The following ATRNL1 variants were observed in gnomAD, a reference collection of about 807,000 sequenced individuals.
ATRNL1 encodes attractin-like protein 1.
ATRNL1 carries 95 observed loss-of-function variants against 182.7 expected under a neutral mutation model. The ratio of observed to expected loss-of-function variants is 0.52; its 90% CI spans 0.44 to 0.62. ATRNL1 has a LOEUF of 0.62. Among genes scored for constraint, ATRNL1 ranks in the 20% least tolerant of loss-of-function variants. ATRNL1 has a pLI of 0.00. For synonymous variants in ATRNL1, 576 were observed against 568.3 expected (o/e 1.01, Z -0.19); for missense variants, 1,471 against 1,679.5 (o/e 0.88, Z 2.17).
Position 115,854,610 on chromosome 10 carries a change from G to A in ATRNL1, c.4018+6619G>A, listed in dbSNP as rs76697440. Reference sequence around the variant, plus strand: ...AGCATCTCAACCTGGATTTCCTCCCGTTCAGATGTAAAGTGAGCCGTCCTT... The same window carrying A: ...AGCATCTCAACCTGGATTTCCTCCCATTCAGATGTAAAGTGAGCCGTCCTT... On this transcript the variant is annotated intron_variant, in intron 28 of 28. Coordinates refer to ENST00000355044, the MANE Select transcript of ATRNL1 (RefSeq NM_207303.4). Among the ~76,000 whole-genome samples the A allele has an allele frequency of 2.9e-3, 434 of 152,214 alleles. 1 individual carries two copies. Among genetic ancestry groups the A allele is most frequent in the African/African-American group, 0.01 (422 of 41,526 alleles).
chr10:115,094,148 C>T (rs959562262), intron 1 of ATRNL1, 105 bp downstream of exon 1: 66 of 1,152,190 alleles, frequency 5.7e-5, no homozygotes, highest in Admixed American at 8.3e-5. Context: ...TGCCTCTGAT[C>T]CCCCGGCCGT....
At position 115,751,124 on chromosome 10, in the gene ATRNL1, A is replaced by G. The variant is rs116807091; in HGVS notation, c.3903+23769A>G. Among the ~76,000 whole-genome samples the G allele has an allele frequency of 2.7e-3, 413 of 152,104 alleles. 5 individuals are homozygous for G. Among genetic ancestry groups the G allele is most frequent in the African/African-American group, 9.5e-3 (395 of 41,528 alleles). On this transcript the variant is annotated intron_variant, in intron 27 of 28. Transcript: ENST00000355044. ...CAAAGGTCCTTACCAGTGAAAGAGG[A>G]GTCAGTCAGAGGAGATGTATCTGAT...
chr10:115,686,934 T>C (rs1946237401), intron 26 of ATRNL1, among the ~76,000 whole-genome samples: 1 of 152,046 alleles, frequency 6.6e-6, no homozygotes, highest in African/African-American at 2.4e-5. Context: ...TTGATGAGTT[T>C]GGAGATAAGT....
intron 26 of ATRNL1, among the ~76,000 whole-genome samples, chr10:115,627,850 A>G (rs1441903451): frequency 2.6e-5 from 4 of 152,022 alleles, no homozygotes; most frequent in African/African-American, 9.7e-5. Context: ...TGGTTGTTCT[A>G]TTTTTAACTT....
intron 27 of ATRNL1, among the ~76,000 whole-genome samples, chr10:115,811,277 A>G (rs1286312182): frequency 1.3e-5 from 2 of 151,626 alleles, no homozygotes; most frequent in African/African-American, 4.8e-5. Context: ...ATGTGTCACA[A>G]TTTTCCAGAT....
intron 26 of ATRNL1, among the ~76,000 whole-genome samples, chr10:115,663,172 A>C (rs1440653124): frequency 3.3e-5 from 5 of 152,010 alleles, no homozygotes; most frequent in Non-Finnish European, 7.4e-5. Flanking sequence ...CAATACTATG[A>C]ATTATTATTA....
intron 3 of ATRNL1, among the ~76,000 whole-genome samples, chr10:115,124,871 G>T (rs1199616994): frequency 1.3e-5 from 2 of 152,174 alleles, no homozygotes; most frequent in Admixed American, 1.3e-4. Context: ...TCATGCATTA[G>T]TGGGGGTATG....
intron 26 of ATRNL1, among the ~76,000 whole-genome samples, chr10:115,681,472 C>G (rs1555044750): frequency 6.6e-6 from 1 of 152,100 alleles, no homozygotes; most frequent in Non-Finnish European, 1.5e-5. Flanking sequence ...GACCCAGTGT[C>G]ACACAAAAAG....
intron 21 of ATRNL1, among the ~76,000 whole-genome samples, chr10:115,442,711 C>A (rs1347205693): frequency 6.6e-6 from 1 of 151,842 alleles, no homozygotes; most frequent in Non-Finnish European, 1.5e-5. Flanking sequence ...ACCTTGCGAT[C>A]TTCATAGCAT....
chr10:115,514,976 A>G (rs1168585318), intron 24 of ATRNL1, among the ~76,000 whole-genome samples: 1 of 151,708 alleles, frequency 6.6e-6, no homozygotes, highest in African/African-American at 2.4e-5. Context: ...TCATTATGAG[A>G]CCAGTCCTGG....
intron 27 of ATRNL1, among the ~76,000 whole-genome samples, chr10:115,766,662 G>A (rs1161080002): frequency 2.6e-5 from 4 of 152,216 alleles, no homozygotes; most frequent in Non-Finnish European, 4.4e-5. Context: ...CCACTGTAGA[G>A]GGAAGGCGGG....
rs72119794 is a variant in ATRNL1 at position 115,480,207 on chromosome 10, A to AACACACAC, written c.3654+10900_3654+10907dup. On this transcript the variant is annotated intron_variant, in intron 24 of 28. Transcript: ENST00000355044. ...ATTTTCAACATAGATGAGTCATTTG[A>AACACACAC]ACACACACACACACACACACACACA... Among the ~76,000 whole-genome samples, 320 of 146,750 alleles carry AACACACAC rather than the reference A, an allele frequency of 2.2e-3. 1 individual carries two copies. Among genetic ancestry groups the AACACACAC allele is most frequent in the African/African-American group, 3.4e-3 (136 of 40,314 alleles).
chr10:115,176,718 A>G (rs186937544), intron 8 of ATRNL1, among the ~76,000 whole-genome samples: 8 of 152,234 alleles, frequency 5.3e-5, no homozygotes, highest in Non-Finnish European at 7.4e-5. Context: ...CAGTTTGGAC[A>G]TGTTATACGT....
At chr10:115,869,998 T>C (rs1363111327) in intron 28 of ATRNL1, among the ~76,000 whole-genome samples, 1 of 103,224 alleles carries the variant, frequency 9.7e-6, no homozygotes, top group Non-Finnish European at 1.9e-5. Flanking sequence ...TTTTTGGTGT[T>C]ATAAATAACG....
chr10:115,670,347 C>T (rs145725678), intron 26 of ATRNL1, among the ~76,000 whole-genome samples: 13 of 152,144 alleles, frequency 8.5e-5, no homozygotes, highest in African/African-American at 2.6e-4. Context: ...TAATTAGTTC[C>T]AGTCATTGTT....
chr10:115,479,502 A>G (rs1848668674), intron 24 of ATRNL1, among the ~76,000 whole-genome samples: 1 of 151,444 alleles, frequency 6.6e-6, no homozygotes, highest in East Asian at 1.9e-4. Flanking sequence ...AGTTTTCTTC[A>G]TTGTCTTCAA....
intron 24 of ATRNL1, among the ~76,000 whole-genome samples, chr10:115,474,923 G>A (rs17093132): frequency 0.021 from 3,187 of 151,408 alleles, 66 homozygotes; most frequent in East Asian, 0.12. Context: ...TAGCCCTGTC[G>A]CCACTGAATG....
At chr10:115,816,171 A>G (rs1950160038) in intron 27 of ATRNL1, among the ~76,000 whole-genome samples, 1 of 152,170 alleles carries the variant, frequency 6.6e-6, no homozygotes, top group Non-Finnish European at 1.5e-5. Flanking sequence ...CTACCTGCCA[A>G]ATTGGTCAGA....
intron 27 of ATRNL1, among the ~76,000 whole-genome samples, chr10:115,807,928 C>T (rs1416469260): frequency 2.0e-5 from 3 of 152,038 alleles, no homozygotes; most frequent in Non-Finnish European, 4.4e-5. Context: ...TTTAATTTCC[C>T]GAGTTAATTA....
Sources: allele counts gnomAD v4.1 joint callset (sites outside exome capture counted in the v4.1 genomes callset), GRCh38; gene constraint gnomAD v4.1.1; transcripts MANE v1.5; gene names NCBI Gene and HGNC (gene_info 2026-07-23, HGNC 2026-07-21).